The following NRG3 variants were observed in gnomAD, a reference collection of about 807,000 sequenced individuals.
NRG3 encodes pro-neuregulin-3, membrane-bound isoform.
In NRG3, 31 loss-of-function variants were observed where a neutral mutation model predicts 66.9. That is an observed-to-expected ratio of 0.46 (90% CI 0.35 to 0.63). The LOEUF (loss-of-function observed/expected upper bound fraction) is 0.63, where lower values mean the gene tolerates loss of function less well. Among genes scored for constraint, NRG3 ranks in the 20% least tolerant of loss-of-function variants. NRG3 has a pLI of 0.00. For missense variants in NRG3, 910 were observed against 878.9 expected (o/e 1.04, Z -0.45); for synonymous variants, 393 against 359.4 (o/e 1.09, Z -1.06).
intron 2 of NRG3, among the ~76,000 whole-genome samples, chr10:82,717,861 T>C (rs1565235104): frequency 6.6e-6 from 1 of 151,982 alleles, no homozygotes; most frequent in Non-Finnish European, 1.5e-5. Flanking sequence ...CTTTTTTTTT[T>C]TTTAATAGTG....
rs147862440 is a variant in NRG3, at chr10:81,966,841, AT to A, written c.823+90684del. On this transcript the variant is annotated intron_variant, in intron 1 of 8. Transcript: ENST00000372141. ...TCTTTTAGATCATTAGTTGTATGAAATTTTTTATACTGCAAGTAATAGTTTA... is the reference window on the plus strand; with the variant it reads ...TCTTTTAGATCATTAGTTGTATGAAATTTTTATACTGCAAGTAATAGTTTA... Among the ~76,000 whole-genome samples, 555 of 152,192 alleles carry A rather than the reference AT, an allele frequency of 3.6e-3. 6 individuals are homozygous for A. Among genetic ancestry groups the A allele is most frequent in the African/African-American group, 0.013 (529 of 41,516 alleles).
At chr10:82,933,518 C>A (rs987184239) in intron 4 of NRG3, among the ~76,000 whole-genome samples, 1 of 152,150 alleles carries the variant, frequency 6.6e-6, no homozygotes, top group African/African-American at 2.4e-5. Context: ...CACACTATTT[C>A]CTATTTATTT....
rs145320197 is a variant in NRG3 at position 82,827,842 on chromosome 10, G to A, written c.1028-37569G>A. 2.8e-3 allele frequency among the ~76,000 whole-genome samples: 419 copies of A among 152,228 alleles called. 4 individuals are homozygous for A. Among genetic ancestry groups the A allele is most frequent in the Middle Eastern group, 0.01 (3 of 294 alleles). On this transcript the variant is annotated intron_variant, in intron 3 of 8. Coordinates refer to ENST00000372141, the MANE Select transcript of NRG3 (RefSeq NM_001010848.4). ...AATTTTATAGGATTCCTTTTGTTGC[G>A]CTGAATTTAAATAAATCATTATAAA... is the stretch of plus-strand genomic sequence containing the variant.
At chr10:82,420,075 C>T (rs754902969) in intron 2 of NRG3, among the ~76,000 whole-genome samples, 9 of 152,196 alleles carry the variant, frequency 5.9e-5, no homozygotes, top group African/African-American at 7.2e-5. Flanking sequence ...TCATTTCTGC[C>T]GCTCTCCCTG....
intron 4 of NRG3, among the ~76,000 whole-genome samples, chr10:82,900,868 T>C (rs180711710): frequency 2.0e-5 from 3 of 152,294 alleles, no homozygotes; most frequent in African/African-American, 4.8e-5. Flanking sequence ...AAAGGAAATT[T>C]TTTTCATGGA....
chr10:82,010,884 A>G (rs923036884), intron 1 of NRG3, among the ~76,000 whole-genome samples: 6 of 152,144 alleles, frequency 3.9e-5, no homozygotes, highest in Non-Finnish European at 7.4e-5. Flanking sequence ...AAGCCCCTCA[A>G]CTTCAGATTG....
chr10:82,223,676 CACACACAT>C (rs1377834007), intron 1 of NRG3, among the ~76,000 whole-genome samples: 1,825 of 139,892 alleles, frequency 0.013, 41 homozygotes, highest in African/African-American at 0.042. Flanking sequence ...CACACACACA[CACACACAT>C]ACACACCACC....
intron 2 of NRG3, among the ~76,000 whole-genome samples, chr10:82,393,841 C>G (rs952138865): frequency 6.6e-6 from 1 of 152,154 alleles, no homozygotes; most frequent in Admixed American, 6.5e-5. Context: ...ACTTACTGTC[C>G]TGCTGGTACC....
At chr10:82,395,629 C>T (rs1401122220) in intron 2 of NRG3, among the ~76,000 whole-genome samples, 1 of 152,124 alleles carries the variant, frequency 6.6e-6, no homozygotes, top group Non-Finnish European at 1.5e-5. Flanking sequence ...ATCCTTCCAT[C>T]ATTCATCCAT....
At chr10:82,102,001 G>A (rs539482324) in intron 1 of NRG3, among the ~76,000 whole-genome samples, 1 of 121,372 alleles carries the variant, frequency 8.2e-6, no homozygotes, top group African/African-American at 2.9e-5. Flanking sequence ...ATATATGTGT[G>A]CGTATATATA....
chr10:82,617,359 A>G (rs2048738100), intron 2 of NRG3, among the ~76,000 whole-genome samples: 1 of 151,696 alleles, frequency 6.6e-6, no homozygotes, highest in Non-Finnish European at 1.5e-5. Context: ...CACACACCAC[A>G]CACATGGCAC....
intron 2 of NRG3, among the ~76,000 whole-genome samples, chr10:82,428,943 A>G (rs945881593): frequency 4.6e-5 from 7 of 152,096 alleles, no homozygotes; most frequent in African/African-American, 1.7e-4. Context: ...TGATACATTA[A>G]AAATTTATCA....
At chr10:82,195,617 A>G (rs1276934677) in intron 1 of NRG3, among the ~76,000 whole-genome samples, 60 of 152,320 alleles carry the variant, frequency 3.9e-4, no homozygotes, top group African/African-American at 1.4e-3. Context: ...TGCACCACAG[A>G]TACCCATGCC....
intron 2 of NRG3, among the ~76,000 whole-genome samples, chr10:82,403,822 A>G (rs574429001): frequency 1.3e-5 from 2 of 152,236 alleles, no homozygotes; most frequent in Admixed American, 1.3e-4. Context: ...TATCTTATCA[A>G]TAATATGACT....
intron 1 of NRG3, among the ~76,000 whole-genome samples, chr10:81,932,021 A>T (rs2132999663): frequency 6.6e-6 from 1 of 152,266 alleles, no homozygotes; most frequent in Non-Finnish European, 1.5e-5. Context: ...AAGAGACTTA[A>T]TTGGCTCATA....
chr10:82,766,820 C>CT (rs550969568), intron 3 of NRG3, among the ~76,000 whole-genome samples: 11 of 151,340 alleles, frequency 7.3e-5, no homozygotes, highest in Admixed American at 4.0e-4. Flanking sequence ...CATCCTTAGT[C>CT]TTTTTTTTAA....
intron 1 of NRG3, among the ~76,000 whole-genome samples, chr10:82,202,101 TG>T (rs1278148185): frequency 6.6e-6 from 1 of 152,204 alleles, no homozygotes; most frequent in Non-Finnish European, 1.5e-5. Context: ...GAAGTTTAGA[TG>T]GGTTGTGACA....
At chr10:82,147,014 C>T (rs1363499731) in intron 1 of NRG3, among the ~76,000 whole-genome samples, 2 of 152,194 alleles carry the variant, frequency 1.3e-5, no homozygotes, top group Non-Finnish European at 2.9e-5. Context: ...AGGTGGATGC[C>T]AGGCCTGATT....
At chr10:82,771,416 A>G (rs1422536154) in intron 3 of NRG3, among the ~76,000 whole-genome samples, 1 of 152,142 alleles carries the variant, frequency 6.6e-6, no homozygotes, top group East Asian at 1.9e-4. Flanking sequence ...CATAGGTACT[A>G]TAGTTGCTGA....
Sources: gnomAD v4.1 joint callset for allele counts (sites outside exome capture counted in the v4.1 genomes callset) on GRCh38, gnomAD v4.1.1 for gene constraint, MANE v1.5 for transcripts, NCBI Gene and HGNC (gene_info 2026-07-23, HGNC 2026-07-21) for gene names.